The following MYLK variants were observed in gnomAD, a reference collection of about 807,000 sequenced individuals.
The protein encoded by MYLK is myosin light chain kinase.
In MYLK, 106 loss-of-function variants were observed where a neutral mutation model predicts 203.4. The ratio of observed to expected loss-of-function variants is 0.52; its 90% confidence interval spans 0.45 to 0.61. MYLK has a LOEUF of 0.61. MYLK is among the 20% of genes least tolerant of loss of function. MYLK has a pLI of 0.00. For missense variants in MYLK, 2,072 were observed against 2,442.3 expected (o/e 0.85, Z 3.20); for synonymous variants, 867 against 959.5 (o/e 0.90, Z 1.78).
At chr3:123,669,904 G>A (rs112843874) in intron 20 of MYLK, among the ~76,000 whole-genome samples, 15 of 151,880 alleles carry the variant, frequency 9.9e-5, no homozygotes, top group African/African-American at 2.7e-4. Context: ...GTGTGGTGGT[G>A]TGCGCCTGTA....
At chr3:123,761,936 A>G (rs2063547969) in intron 4 of MYLK, among the ~76,000 whole-genome samples, 1 of 152,130 alleles carries the variant, frequency 6.6e-6, no homozygotes, top group Admixed American at 6.6e-5. Context: ...CTGAGGCAGG[A>G]GAATCACTTG....
chr3:123,697,344 T>C (rs2060972453), intron 18 of MYLK, among the ~76,000 whole-genome samples: 1 of 152,224 alleles, frequency 6.6e-6, no homozygotes, highest in South Asian at 2.1e-4. Context: ...TTGCAAGGTC[T>C]GCTTCCACCA....
At chr3:123,679,127 C>T (rs1234577226) in intron 20 of MYLK, among the ~76,000 whole-genome samples, 4 of 151,834 alleles carry the variant, frequency 2.6e-5, no homozygotes, top group Admixed American at 1.3e-4. Flanking sequence ...GCCCACATGG[C>T]GAAACCCCAT....
At position 123,708,783 on chromosome 3, in the gene MYLK, C is replaced by T. The variant is rs759678564; in HGVS notation, c.2055G>A (p.Val685=). ...TGTACGTGCCCGTGTCCTCCGGGAA[C>T]ACTTCCTGGATACAAAGGCTGTGCT... ...GTQHSLCIQE[V]FPEDTGTYTC... is the part of the protein sequence containing the mutation. The change falls in exon 15 of 34, where the codon GTG becomes GTA. Residue 685 remains valine (V), a synonymous_variant. Transcript: ENST00000360304. The T allele has an allele frequency of 1.9e-6, 3 of 1,614,080 alleles. No individual in the cohort carries two copies. The highest frequency in any genetic ancestry group is 1.1e-5 in the South Asian group (1 of 91,086).
chr3:123,805,807 C>G (rs1188399111), intron 3 of MYLK, among the ~76,000 whole-genome samples: 2 of 152,230 alleles, frequency 1.3e-5, no homozygotes, highest in African/African-American at 4.8e-5. Flanking sequence ...ATTTCCCCAT[C>G]TGTACATCTG....
chr3:123,838,078 C>T (rs1338568828), intron 2 of MYLK, among the ~76,000 whole-genome samples: 1 of 152,058 alleles, frequency 6.6e-6, no homozygotes, highest in Non-Finnish European at 1.5e-5. Context: ...TCTCAGAGTA[C>T]TTCAAGCAGT....
At chr3:123,800,922 T>C (rs545465447) in intron 3 of MYLK, among the ~76,000 whole-genome samples, 1 of 152,366 alleles carries the variant, frequency 6.6e-6, no homozygotes, top group African/African-American at 2.4e-5. Context: ...TGTGAGTTAC[T>C]GCTGTCAATA....
intron 15 of MYLK, among the ~76,000 whole-genome samples, chr3:123,708,237 G>A (rs568967202): frequency 1.3e-5 from 2 of 152,318 alleles, no homozygotes; most frequent in East Asian, 1.9e-4. Context: ...TGTAAGGGGA[G>A]GTAGCCCAGA....
chr3:123,751,698 G>A (rs2063197415), intron 5 of MYLK, among the ~76,000 whole-genome samples: 2 of 152,196 alleles, frequency 1.3e-5, no homozygotes, highest in South Asian at 2.1e-4. Flanking sequence ...CCATTTAGTG[G>A]TGGGGGATGG....
intron 12 of MYLK, among the ~76,000 whole-genome samples, chr3:123,723,205 C>T (rs1438073254): frequency 2.6e-5 from 4 of 151,656 alleles, no homozygotes; most frequent in African/African-American, 9.7e-5. Flanking sequence ...TTGGGGTCGG[C>T]CAGTGGGGAA....
chr3:123,851,538 CTCTGTTTG>C (rs1392971245), intron 2 of MYLK, among the ~76,000 whole-genome samples: 1 of 44,608 alleles, frequency 2.2e-5, no homozygotes, highest in Non-Finnish European at 4.1e-5. Context: ...TGATTTGCCT[CTCTGTTTG>C]TCTGTTATTG....
At chr3:123,801,651 T>C (rs2065199783) in intron 3 of MYLK, among the ~76,000 whole-genome samples, 2 of 152,248 alleles carry the variant, frequency 1.3e-5, no homozygotes, top group East Asian at 3.9e-4. Flanking sequence ...CATGTTTAGC[T>C]TCCACTTACA....
intron 5 of MYLK, among the ~76,000 whole-genome samples, chr3:123,747,771 G>A (rs1360147712): frequency 6.6e-6 from 1 of 152,152 alleles, no homozygotes; most frequent in African/African-American, 2.4e-5. Context: ...CTCCTCTGGG[G>A]GCTGCCAGTT....
chr3:123,868,661 C>CA (rs1406827699), intron 2 of MYLK, among the ~76,000 whole-genome samples: 1 of 152,202 alleles, frequency 6.6e-6, no homozygotes, highest in East Asian at 1.9e-4. Context: ...TGATCTTGGA[C>CA]AAATTCCTTT....
intron 33 of MYLK, among the ~76,000 whole-genome samples, chr3:123,615,185 G>T (rs1190669811): frequency 6.6e-6 from 1 of 151,566 alleles, no homozygotes; most frequent in Non-Finnish European, 1.5e-5. Context: ...CCAGCACTTT[G>T]GGAGGCCAAG....
At position 123,640,264 on chromosome 3, in the gene MYLK, T is replaced by G; in HGVS notation, c.4837+23A>C. 6.2e-7 allele frequency: 1 copy of G among 1,609,664 alleles called. No homozygotes were observed. The highest frequency in any genetic ancestry group is 8.5e-7 in the Non-Finnish European group (1 of 1,176,246). On this transcript the variant is annotated intron_variant, in intron 28 of 33. Coordinates refer to ENST00000360304, the MANE Select transcript of MYLK (RefSeq NM_053025.4). The surrounding 1 kb of genome is among the most constrained non-coding windows in gnomAD (Gnocchi z 4.3). ...CCAGTGCAATACACACTGGTGTCCATGGGAGAGGCAGATGAGCCTTACCCA... is the reference window on the plus strand; with the variant it reads ...CCAGTGCAATACACACTGGTGTCCAGGGGAGAGGCAGATGAGCCTTACCCA...
At chr3:123,781,354 G>C (rs1021348141) in intron 4 of MYLK, among the ~76,000 whole-genome samples, 1 of 152,210 alleles carries the variant, frequency 6.6e-6, no homozygotes, top group African/African-American at 2.4e-5. Flanking sequence ...TGGACAAATG[G>C]AATCCTGAGG....
rs369765433 is a variant in MYLK at position 123,708,943 on chromosome 3, G to A, written c.1943-48C>T. ...GGGATTGGTTAGGGAGGTCCTCCCC[G>A]GCCATGCAGCAACTCTGCGCTGAAT... On this transcript the variant is annotated intron_variant, in intron 14 of 33. Transcript: ENST00000360304. The A allele has an allele frequency of 7.2e-4, 1,114 of 1,540,408 alleles. 1 individual carries two copies. Among genetic ancestry groups the A allele is most frequent in the Non-Finnish European group, 9.7e-4 (1,077 of 1,114,748 alleles).
At chr3:123,807,758 C>G (rs566417248) in intron 3 of MYLK, among the ~76,000 whole-genome samples, 2 of 152,214 alleles carry the variant, frequency 1.3e-5, no homozygotes, top group Admixed American at 6.5e-5. Flanking sequence ...AGAGATTGTT[C>G]CCATTCAAAG....
Sources: allele counts gnomAD v4.1 joint callset (sites outside exome capture counted in the v4.1 genomes callset), GRCh38; gene constraint gnomAD v4.1.1; non-coding constraint Gnocchi (gnomAD v3.1); transcripts MANE v1.5; gene names NCBI Gene and HGNC (gene_info 2026-07-23, HGNC 2026-07-21).